PSMB7: variants seen among roughly 807,000 people sequenced by gnomAD.
PSMB7 encodes proteasome 20S subunit beta 7.
Under a neutral mutation model 28.1 loss-of-function variants are expected in PSMB7, and 5 were observed. The ratio of observed to expected loss-of-function variants is 0.18; its 90% CI spans 0.09 to 0.37. PSMB7 has a LOEUF of 0.37. PSMB7 is among the 10% of genes least tolerant of loss of function. PSMB7 has a pLI of 1.00. For synonymous variants in PSMB7, 122 were observed against 123.7 expected, an observed-to-expected ratio of 0.99 and a Z score of 0.09; for missense variants, 275 against 346.2, an observed-to-expected ratio of 0.79 and a Z score of 1.63.
At chr9:124,388,504 T>C (rs1830749281) in intron 5 of PSMB7, among the ~76,000 whole-genome samples, 1 of 152,226 alleles carries the variant, frequency 6.6e-6, no homozygotes, top group African/African-American at 2.4e-5. Context: ...TTCATCATCC[T>C]CATAGCAACC....
intron 6 of PSMB7, chr9:124,384,064 G>C (rs750699964): frequency 6.6e-6 from 1 of 152,178 alleles, no homozygotes; most frequent in African/African-American, 2.4e-5. Context: ...CACAATAAAA[G>C]AATCTCTCAT....
chr9:124,353,734 A>C, intron 7 of PSMB7, 25 bp from the exon 8 acceptor site: 1 of 1,542,552 alleles, frequency 6.5e-7, no homozygotes, highest in Non-Finnish European at 9.0e-7. Flanking sequence ...ACAAAAGCAC[A>C]GAGTTAGGAT....
At chr9:124,400,046 C>T (rs943399858) in intron 5 of PSMB7, among the ~76,000 whole-genome samples, 1 of 152,158 alleles carries the variant, frequency 6.6e-6, no homozygotes, top group Non-Finnish European at 1.5e-5. Flanking sequence ...CAACATCCAT[C>T]CCTCTTCCAC....
At chr9:124,399,672 C>T (rs566662868) in intron 5 of PSMB7, among the ~76,000 whole-genome samples, 52 of 152,290 alleles carry the variant, frequency 3.4e-4, no homozygotes, top group African/African-American at 1.2e-3. Flanking sequence ...AGCCAAGAGC[C>T]GCAAGGAGCT....
chr9:124,358,163 C>T (rs1267575338), intron 6 of PSMB7, among the ~76,000 whole-genome samples: 4 of 152,174 alleles, frequency 2.6e-5, no homozygotes, highest in Non-Finnish European at 5.9e-5. Flanking sequence ...GACTCCAGGC[C>T]CAAATCCAGC....
intron 6 of PSMB7, among the ~76,000 whole-genome samples, chr9:124,366,283 C>A (rs776785485): frequency 6.6e-6 from 1 of 152,026 alleles, no homozygotes; most frequent in Non-Finnish European, 1.5e-5. Context: ...CGTGGTGATG[C>A]GAGCCTGCTG....
At chr9:124,395,436 T>C (rs1830830296) in intron 5 of PSMB7, among the ~76,000 whole-genome samples, 1 of 151,900 alleles carries the variant, frequency 6.6e-6, no homozygotes, top group Non-Finnish European at 1.5e-5. Context: ...GAGGGTACAA[T>C]GAGCTATAAT....
intron 6 of PSMB7, among the ~76,000 whole-genome samples, chr9:124,360,367 G>A (rs929209939): frequency 6.6e-6 from 1 of 152,204 alleles, no homozygotes; most frequent in African/African-American, 2.4e-5. Context: ...GGAAGATGCA[G>A]AGTGACCTAG....
rs189101124 is a variant in PSMB7, at chr9:124,388,601, C to T, written c.512-3945G>A. On this transcript the variant is annotated intron_variant, in intron 5 of 7. Coordinates refer to ENST00000259457, the MANE Select transcript of PSMB7 (RefSeq NM_002799.4). ...TGTCTCAGCTGTTGACCCTATGTCGCGCTCTCATACAAAAAGTCCTATATG... is the reference window on the plus strand; with the variant it reads ...TGTCTCAGCTGTTGACCCTATGTCGTGCTCTCATACAAAAAGTCCTATATG... Among the ~76,000 whole-genome samples, 113 of 152,322 alleles carry T rather than the reference C, an allele frequency of 7.4e-4. 2 individuals carry two copies. Among genetic ancestry groups the T allele is most frequent in the African/African-American group, 4.8e-5 (2 of 41,558 alleles).
intron 6 of PSMB7, among the ~76,000 whole-genome samples, chr9:124,374,127 T>C (rs1028430397): frequency 1.3e-5 from 2 of 152,150 alleles, no homozygotes; most frequent in Admixed American, 1.3e-4. Flanking sequence ...TGAAAGAAGC[T>C]AGGCACAAAA....
chr9:124,354,336 G>A (rs1235691193), intron 7 of PSMB7, among the ~76,000 whole-genome samples: 1 of 152,212 alleles, frequency 6.6e-6, no homozygotes, highest in Non-Finnish European at 1.5e-5. Flanking sequence ...GCACCAGACT[G>A]TCTAGAAGAT....
At chr9:124,361,397 G>T (rs1296734514) in intron 6 of PSMB7, among the ~76,000 whole-genome samples, 1 of 152,164 alleles carries the variant, frequency 6.6e-6, no homozygotes, top group African/African-American at 2.4e-5. Flanking sequence ...CCACGTAATG[G>T]TCACCACAGC....
At chr9:124,399,009 CAAAA>C (rs34386702) in intron 5 of PSMB7, among the ~76,000 whole-genome samples, 18 of 129,278 alleles carry the variant, frequency 1.4e-4, no homozygotes, top group Middle Eastern at 3.8e-3. Flanking sequence ...AAGCTTTAAC[CAAAA>C]AAAAAAAAAA....
At chr9:124,374,650 C>A (rs1314194557) in intron 6 of PSMB7, among the ~76,000 whole-genome samples, 2 of 152,072 alleles carry the variant, frequency 1.3e-5, no homozygotes, top group African/African-American at 4.8e-5. Flanking sequence ...CATAGTGAGA[C>A]CGCTTATCTA....
At chr9:124,379,609 C>T (rs1469267962) in intron 6 of PSMB7, among the ~76,000 whole-genome samples, 1 of 152,224 alleles carries the variant, frequency 6.6e-6, no homozygotes, top group Non-Finnish European at 1.5e-5. Context: ...TAACTTAAAA[C>T]AGCAGAAGCC....
chr9:124,369,007 G>A (rs1299526104), intron 6 of PSMB7, among the ~76,000 whole-genome samples: 2 of 152,202 alleles, frequency 1.3e-5, no homozygotes, highest in East Asian at 3.8e-4. Context: ...CAGTGTATTT[G>A]TCAAGGAACC....
intron 6 of PSMB7, among the ~76,000 whole-genome samples, chr9:124,360,437 C>G (rs748014483): frequency 6.6e-6 from 1 of 152,236 alleles, no homozygotes; most frequent in Non-Finnish European, 1.5e-5. Context: ...AAGGGCTCTG[C>G]AGAGCCCATG....
intron 5 of PSMB7, 31 bp downstream of exon 5, chr9:124,405,286 C>G (rs189585240): frequency 6.8e-7 from 1 of 1,472,926 alleles, no homozygotes; most frequent in East Asian, 2.3e-5. Context: ...AGTAAGAGTA[C>G]TCTTAAACAT....
intron 6 of PSMB7, among the ~76,000 whole-genome samples, chr9:124,367,628 T>A (rs1830520569): frequency 6.6e-6 from 1 of 152,104 alleles, no homozygotes; most frequent in Non-Finnish European, 1.5e-5. Flanking sequence ...AGAATAAAGA[T>A]ATGAATCTAG....
Sources: gnomAD v4.1 joint callset for allele counts (sites outside exome capture counted in the v4.1 genomes callset) on GRCh38, gnomAD v4.1.1 for gene constraint, MANE v1.5 for transcripts, NCBI Gene and HGNC (gene_info 2026-07-23, HGNC 2026-07-21) for gene names.